RNF24: variants seen among roughly 807,000 people sequenced by gnomAD.
RNF24 encodes the protein ring finger protein 24.
A neutral mutation model predicts 20.0 loss-of-function variants in RNF24; 14 were observed. The observed-to-expected ratio is 0.70, with a 90% confidence interval of 0.46 to 1.10. The LOEUF (loss-of-function observed/expected upper bound fraction) is 1.10. Ranked by LOEUF, RNF24 falls within the 50% of genes least tolerant of loss-of-function variation. RNF24 has a pLI of 0.00. For missense variants in RNF24, 124 were observed against 177.6 expected (o/e 0.70, Z 1.71); for synonymous variants, 45 against 61.1 (o/e 0.74, Z 1.23).
intron 4 of RNF24, among the ~76,000 whole-genome samples, chr20:3,944,204 C>T (rs975073808): frequency 8.9e-6 from 1 of 112,810 alleles, no homozygotes; most frequent in Non-Finnish European, 1.7e-5. Context: ...AGTAAGACCC[C>T]GTCTCAAAAA....
intron 1 of RNF24, among the ~76,000 whole-genome samples, chr20:3,965,172 A>T (rs749448817): frequency 6.6e-6 from 1 of 152,226 alleles, no homozygotes; most frequent in African/African-American, 2.4e-5. Context: ...TATTAAGACC[A>T]AAGATTGACA....
chr20:3,986,713 T>G (rs1296046418), intron 1 of RNF24, among the ~76,000 whole-genome samples: 1 of 150,908 alleles, frequency 6.6e-6, no homozygotes, highest in Non-Finnish European at 1.5e-5. Flanking sequence ...AGTGGCACAA[T>G]CTAGGCTCAC....
intron 3 of RNF24, among the ~76,000 whole-genome samples, 180 bp from the exon 4 acceptor site, chr20:3,945,398 G>A (rs944253860): frequency 6.6e-6 from 1 of 151,944 alleles, no homozygotes; most frequent in South Asian, 2.1e-4. Flanking sequence ...TTTAACTTGA[G>A]CAATGATGCA....
At chr20:4,014,431 T>C (rs867315806) in intron 1 of RNF24, among the ~76,000 whole-genome samples, 1 of 152,150 alleles carries the variant, frequency 6.6e-6, no homozygotes, top group Admixed American at 6.5e-5. Flanking sequence ...AAATTATCAA[T>C]GAACTAAACC....
In RNF24 at chr20:3,933,870, G is replaced by A. The variant is rs2090857135; in HGVS notation, c.*193C>T. 1 of 425,860 alleles carries A rather than the reference G, an allele frequency of 2.3e-6. No homozygotes were observed. The highest frequency in any genetic ancestry group is 4.0e-6 in the Non-Finnish European group (1 of 247,240). The allele number at this position is 425,860 out of a possible 1,614,324, so 26.4% of individuals were successfully genotyped here. ...ACTCCTCTTCTCTCGGCAGGGGGTA[G>A]TGTCAAAGTGCTTTGGTTGTCACAA... On this transcript the variant is annotated 3_prime_UTR_variant, in exon 6 of 6. Transcript: ENST00000358395.
chr20:3,991,043 T>C (rs1249822863), intron 1 of RNF24, among the ~76,000 whole-genome samples: 2 of 152,068 alleles, frequency 1.3e-5, no homozygotes, highest in Non-Finnish European at 2.9e-5. Context: ...AAAAGGTCTC[T>C]AGAAAAATAT....
At chr20:3,985,524 T>C (rs2147035604) in intron 1 of RNF24, among the ~76,000 whole-genome samples, 1 of 152,314 alleles carries the variant, frequency 6.6e-6, no homozygotes, top group South Asian at 2.1e-4. Context: ...CTACCATTGT[T>C]TTCTCTGGGT....
chr20:3,997,627 T>A (rs1183501711), intron 1 of RNF24, among the ~76,000 whole-genome samples: 1 of 152,080 alleles, frequency 6.6e-6, no homozygotes, highest in Non-Finnish European at 1.5e-5. Context: ...GGTTTCCCTA[T>A]GTTTCCCAGG....
intron 1 of RNF24, among the ~76,000 whole-genome samples, chr20:3,989,499 A>AT (rs1033398608): frequency 1.3e-5 from 2 of 151,986 alleles, no homozygotes; most frequent in Non-Finnish European, 2.9e-5. Flanking sequence ...TCAAAAAAAA[A>AT]AAATAAAAAA....
intron 1 of RNF24, among the ~76,000 whole-genome samples, chr20:4,005,111 G>A (rs1355991468): frequency 2.0e-5 from 3 of 152,220 alleles, no homozygotes; most frequent in Non-Finnish European, 4.4e-5. Context: ...GGGCTCTAGA[G>A]GATGAAGGCC....
In RNF24 at chr20:3,928,839, GA is replaced by G. The variant is rs2090772272; in HGVS notation, c.*5223del. 2 of 150,350 alleles carry G rather than the reference GA, an allele frequency of 1.3e-5. No individual in the cohort carries two copies. The highest frequency in any genetic ancestry group is 3.0e-5 in the Non-Finnish European group (2 of 67,652). 9.3% of individuals were successfully genotyped at this position (150,350 alleles called of 1,614,324 possible). On this transcript the variant is annotated 3_prime_UTR_variant, in exon 6 of 6. Transcript: ENST00000358395. ...AAGGCATAAAGGGAAAATTCTGTAG[GA>G]AGCATTTTCTTTTCTTGTGTGTTTT...
chr20:4,009,037 C>A (rs1982213455), intron 1 of RNF24, among the ~76,000 whole-genome samples: 1 of 152,120 alleles, frequency 6.6e-6, no homozygotes, highest in Non-Finnish European at 1.5e-5. Context: ...TCAGTTGTGC[C>A]TCTTTTGCCC....
intron 1 of RNF24, among the ~76,000 whole-genome samples, chr20:3,973,391 A>T (rs2147008459): frequency 6.6e-6 from 1 of 151,860 alleles, no homozygotes; most frequent in African/African-American, 2.4e-5. Context: ...AAGAACAGAA[A>T]CCAGTTAAAT....
chr20:3,953,769 T>G (rs2091110197), intron 2 of RNF24, among the ~76,000 whole-genome samples: 1 of 151,188 alleles, frequency 6.6e-6, no homozygotes, highest in South Asian at 2.1e-4. Context: ...GTTTTTTTTT[T>G]TTTTTGAGAC....
chr20:3,979,852 AAGTGT>A (rs934468953), intron 1 of RNF24, among the ~76,000 whole-genome samples: 53 of 148,406 alleles, frequency 3.6e-4, no homozygotes, highest in African/African-American at 1.3e-3. Context: ...GTAGGTGTAT[AAGTGT>A]AACTGATCGT....
At chr20:4,011,799 CCTAA>C (rs1475791990) in intron 1 of RNF24, among the ~76,000 whole-genome samples, 2 of 152,140 alleles carry the variant, frequency 1.3e-5, no homozygotes, top group Admixed American at 6.5e-5. Context: ...TGAATACCGA[CCTAA>C]CTGTCAAGTA....
intron 1 of RNF24, among the ~76,000 whole-genome samples, chr20:4,005,845 G>A (rs960569569): frequency 6.6e-6 from 1 of 152,088 alleles, no homozygotes; most frequent in Non-Finnish European, 1.5e-5. Context: ...AGACAGCAGT[G>A]AAACTATTAA....
intron 1 of RNF24, among the ~76,000 whole-genome samples, chr20:3,998,497 C>T (rs1157889667): frequency 1.4e-5 from 2 of 141,702 alleles, no homozygotes; most frequent in African/African-American, 5.3e-5. Flanking sequence ...ATCACTTGAA[C>T]CCGAGAGGTG....
intron 1 of RNF24, among the ~76,000 whole-genome samples, chr20:3,966,069 T>A (rs6116129): frequency 0.011 from 1,506 of 140,184 alleles, 16 homozygotes; most frequent in African/African-American, 0.038. Flanking sequence ...GGGAGGTGGT[T>A]GGTTGCAGTG....
Sources: allele counts gnomAD v4.1 joint callset (sites outside exome capture counted in the v4.1 genomes callset), GRCh38; gene constraint gnomAD v4.1.1; transcripts MANE v1.5; gene names NCBI Gene and HGNC (gene_info 2026-07-23, HGNC 2026-07-21).